Variants in PARPBP observed in about 807,000 individuals in gnomAD.
The protein encoded by PARPBP is PARP1 binding protein, also known as PCNA-interacting partner.
In PARPBP, 52 loss-of-function variants were observed where a neutral mutation model predicts 50.0. The ratio of observed to expected loss-of-function variants is 1.04; its 90% CI spans 0.83 to 1.31. PARPBP has a LOEUF of 1.31. Ranked by LOEUF, PARPBP falls within the 50% of genes most tolerant of loss-of-function variation. The pLI, the probability that PARPBP is intolerant of heterozygous loss-of-function variation, is 0.00. For missense variants in PARPBP, 697 were observed against 672.0 expected (o/e 1.04, Z -0.41); for synonymous variants, 244 against 232.1 (o/e 1.05, Z -0.47).
At chr12:102,165,973 C>A in intron 6 of PARPBP, 90 bp downstream of exon 6, 3 of 830,300 alleles carry the variant, frequency 3.6e-6, no homozygotes, top group Non-Finnish European at 5.7e-6. Flanking sequence ...TTGAAATGAC[C>A]AAGCATCAGA....
chr12:102,182,363 G>C (rs1198136165), intron 8 of PARPBP, among the ~76,000 whole-genome samples, 186 bp from the exon 9 acceptor site: 4 of 152,244 alleles, frequency 2.6e-5, no homozygotes, highest in Middle Eastern at 3.4e-3. Context: ...GGTGGATTGG[G>C]TGTATTAAAT....
chr12:102,197,034 C>A lies in PARPBP; in HGVS notation c.*743C>A, dbSNP rs762546638. The A allele has an allele frequency of 1.2e-6, 2 of 1,612,122 alleles. No individual in the cohort carries two copies. Among genetic ancestry groups the A allele is most frequent in the Admixed American group, 3.3e-5 (2 of 59,846 alleles). Reference sequence around the variant, plus strand: ...AGTTTTCTTCATCCCCAATTTCTCTCTTTTCTTGTGTTGATTCAGTATTCT... The same window carrying A: ...AGTTTTCTTCATCCCCAATTTCTCTATTTTCTTGTGTTGATTCAGTATTCT... On this transcript the variant is annotated 3_prime_UTR_variant, in exon 11 of 11. Coordinates refer to ENST00000327680, the MANE Select transcript of PARPBP (RefSeq NM_017915.5).
chr12:102,148,384 A>G lies in PARPBP; in HGVS notation c.308A>G (p.Asn103Ser), dbSNP rs1308509776. 4 of 1,585,636 alleles carry G rather than the reference A, an allele frequency of 2.5e-6. No individual in the cohort carries two copies. The highest frequency in any genetic ancestry group is 2.7e-5 in the African/African-American group (2 of 74,486). Residue 103 changes from asparagine (N) to serine (S), a missense_variant, in exon 3 of 11, where the codon AAT becomes AGT. Physicochemically the swap from Asn to Ser is conservative, Grantham distance 46. Coordinates refer to ENST00000327680, the MANE Select transcript of PARPBP (RefSeq NM_017915.5). ...TATGATGATTTCTTGAAGAACAGTA[A>G]TATGTTAGATCTGATTGATGTTTAT... ...KIYDDFLKNS[N>S]MLDLIDVYQK...
intron 2 of PARPBP, among the ~76,000 whole-genome samples, chr12:102,125,487 T>G (rs1881859672): frequency 6.6e-6 from 1 of 152,168 alleles, no homozygotes; most frequent in South Asian, 2.1e-4. Context: ...TGGGGATTTT[T>G]ATGGGAAGGG....
chr12:102,133,210 C>T (rs1314046231), intron 2 of PARPBP, among the ~76,000 whole-genome samples: 1 of 152,096 alleles, frequency 6.6e-6, no homozygotes, highest in Admixed American at 6.5e-5. Context: ...GAGTGAGCAT[C>T]CTTGTCTTGT....
intron 4 of PARPBP, among the ~76,000 whole-genome samples, chr12:102,160,421 A>G (rs771032637): frequency 2.0e-5 from 3 of 152,228 alleles, no homozygotes; most frequent in Non-Finnish European, 4.4e-5. Flanking sequence ...GCACAGTGAC[A>G]TAGAGATTGC....
At chr12:102,164,327 T>C (rs1887900176) in intron 4 of PARPBP, 111 bp from the exon 5 acceptor site, 1 of 743,132 alleles carries the variant, frequency 1.3e-6, no homozygotes, top group African/African-American at 1.8e-5. Context: ...TCTAAAGAGT[T>C]AAGTGAGGTA....
chr12:102,137,590 G>T (rs544103217), intron 2 of PARPBP, among the ~76,000 whole-genome samples: 1 of 151,742 alleles, frequency 6.6e-6, no homozygotes, highest in South Asian at 2.1e-4. Context: ...GTGCCATGTT[G>T]GTGTGCTGCA....
intron 2 of PARPBP, among the ~76,000 whole-genome samples, chr12:102,124,819 A>G (rs1051222618): frequency 1.3e-5 from 2 of 152,218 alleles, no homozygotes; most frequent in African/African-American, 4.8e-5. Flanking sequence ...ATATGTCAGT[A>G]GTTTCCAGAT....
At chr12:102,140,861 TTTCTG>T (rs1388723873) in intron 2 of PARPBP, among the ~76,000 whole-genome samples, 1 of 152,228 alleles carries the variant, frequency 6.6e-6, no homozygotes, top group Non-Finnish European at 1.5e-5. Flanking sequence ...TCTGTTAGAA[TTTCTG>T]TTCTTTTACA....
chr12:102,187,978 T>C (rs1437790157), intron 9 of PARPBP, among the ~76,000 whole-genome samples: 1 of 152,182 alleles, frequency 6.6e-6, no homozygotes, highest in Non-Finnish European at 1.5e-5. Context: ...GTCAGCTGCT[T>C]TCTTCCCTGG....
intron 4 of PARPBP, among the ~76,000 whole-genome samples, chr12:102,155,596 G>GGT (rs1555216751): frequency 0.017 from 1,675 of 96,880 alleles, 72 homozygotes; most frequent in African/African-American, 0.075. Context: ...GAGCATGGTG[G>GGT]GGGGGGGGGG....
chr12:102,174,821 G>A (rs767188497), intron 6 of PARPBP, among the ~76,000 whole-genome samples: 1 of 152,106 alleles, frequency 6.6e-6, no homozygotes, highest in Non-Finnish European at 1.5e-5. Context: ...TATCAATTTC[G>A]GGTTTTTAAA....
intron 6 of PARPBP, among the ~76,000 whole-genome samples, chr12:102,171,752 C>T (rs1395799938): frequency 6.6e-6 from 1 of 151,822 alleles, no homozygotes; most frequent in Non-Finnish European, 1.5e-5. Flanking sequence ...GCCTGTAGTC[C>T]CAGCTACTCG....
chr12:102,180,520 T>C (rs573134604), intron 8 of PARPBP, among the ~76,000 whole-genome samples: 5 of 152,124 alleles, frequency 3.3e-5, no homozygotes, highest in Admixed American at 6.5e-5. Flanking sequence ...CTGTGCAACA[T>C]AGTAAGACTC....
In PARPBP at chr12:102,197,492, A is replaced by C; in HGVS notation, c.*1201A>C. 1 of 1,561,542 alleles carries C rather than the reference A, an allele frequency of 6.4e-7. No homozygotes were observed. Among genetic ancestry groups the C allele is most frequent in the Non-Finnish European group, 8.6e-7 (1 of 1,157,392 alleles). ...GTAAGAATCATTTAAATTTTCATTG[A>C]AATAAACGACAAGTCACATTGCCAC... On this transcript the variant is annotated 3_prime_UTR_variant, in exon 11 of 11. Transcript: ENST00000327680.
At chr12:102,187,886 T>C (rs1890439233) in intron 9 of PARPBP, among the ~76,000 whole-genome samples, 1 of 152,096 alleles carries the variant, frequency 6.6e-6, no homozygotes, top group South Asian at 2.1e-4. Flanking sequence ...TTTAAAGACA[T>C]AGGAGAGCTA....
chr12:102,159,728 G>A (rs1390691756), intron 4 of PARPBP, among the ~76,000 whole-genome samples: 1 of 151,758 alleles, frequency 6.6e-6, no homozygotes, highest in East Asian at 1.9e-4. Context: ...CTTAGTTTTT[G>A]TCCAACTTTT....
intron 7 of PARPBP, 51 bp from the exon 8 acceptor site, chr12:102,178,541 C>T: frequency 2.5e-6 from 3 of 1,207,742 alleles, no homozygotes; most frequent in Non-Finnish European, 3.4e-6. Context: ...TATGGCCATT[C>T]ACCCAGCTGG....
Sources: gnomAD v4.1 joint callset for allele counts (sites outside exome capture counted in the v4.1 genomes callset) on GRCh38, gnomAD v4.1.1 for gene constraint, MANE v1.5 for transcripts, NCBI Gene and HGNC (gene_info 2026-07-23, HGNC 2026-07-21) for gene names.